The following COL22A1 variants were observed in gnomAD, a reference collection of about 807,000 sequenced individuals.
COL22A1 encodes the protein collagen type XXII alpha 1 chain.
A neutral mutation model predicts 248.9 loss-of-function variants in COL22A1; 221 were observed. The ratio of observed to expected loss-of-function variants is 0.89; its 90% CI spans 0.80 to 0.99. The LOEUF (loss-of-function observed/expected upper bound fraction) is 0.99, where lower values mean the gene tolerates loss of function less well. Ranked by LOEUF, COL22A1 falls within the 50% of genes least tolerant of loss-of-function variation. COL22A1 has a pLI of 0.00. For synonymous variants in COL22A1, 891 were observed against 793.4 expected (o/e 1.12, Z -2.07); for missense variants, 2,240 against 2,179.0 (o/e 1.03, Z -0.56).
chr8:138,685,309 C>T lies in COL22A1; in HGVS notation c.2866G>A (p.Ala956Thr), dbSNP rs765573052. ...CCTGGGCTGCCTTCTTCCCCCGCTG[C>T]ACCCTGGAAAGAAAAGTAGACATTT... ...GKDGERGEKG[A>T]AGEEGSPGPV... Residue 956 changes from alanine (A) to threonine (T), a missense_variant, in exon 38 of 65, where the codon GCA becomes ACA. By Grantham distance (58) the Ala-to-Thr change is moderately conservative. Coordinates refer to ENST00000303045, the MANE Select transcript of COL22A1 (RefSeq NM_152888.3). 6.2e-6 allele frequency: 10 copies of T among 1,613,198 alleles called. No homozygotes were observed. The highest frequency in any genetic ancestry group is 2.7e-5 in the African/African-American group (2 of 74,888).
chr8:138,743,165 A>G (rs1444758811), intron 22 of COL22A1, among the ~76,000 whole-genome samples: 2 of 144,106 alleles, frequency 1.4e-5, no homozygotes, highest in Admixed American at 1.4e-4. Context: ...GGTGGTAGTG[A>G]TCACGATGGT....
intron 3 of COL22A1, among the ~76,000 whole-genome samples, chr8:138,846,562 G>A (rs900990307): frequency 1.3e-5 from 2 of 152,192 alleles, no homozygotes; most frequent in East Asian, 3.9e-4. Flanking sequence ...TTATAGTTGA[G>A]TTGGTTAAGT....
At chr8:138,714,109 G>T (rs965866185) in intron 30 of COL22A1, among the ~76,000 whole-genome samples, 7 of 152,182 alleles carry the variant, frequency 4.6e-5, no homozygotes, top group Non-Finnish European at 1.5e-5. Context: ...CTTCCTCCTT[G>T]AACCTGCCCG....
intron 3 of COL22A1, among the ~76,000 whole-genome samples, chr8:138,877,036 A>G (rs116475461): frequency 0.03 from 4,516 of 152,314 alleles, 239 homozygotes; most frequent in African/African-American, 0.1. Context: ...CGCTGTCCTC[A>G]GAATGACCCC....
At chr8:138,729,023 G>A (rs573470038) in intron 23 of COL22A1, among the ~76,000 whole-genome samples, 10 of 152,220 alleles carry the variant, frequency 6.6e-5, no homozygotes, top group African/African-American at 2.2e-4. Context: ...AAACCAGAAA[G>A]GCAGGACAAG....
intron 34 of COL22A1, 56 bp downstream of exon 34, chr8:138,694,452 G>A: frequency 6.5e-7 from 1 of 1,542,550 alleles, no homozygotes; most frequent in Non-Finnish European, 9.0e-7. Context: ...GAGCGAGAGA[G>A]TGTGGCTGGG....
chr8:138,742,436 G>A (rs1289745043), intron 22 of COL22A1, among the ~76,000 whole-genome samples: 1 of 151,892 alleles, frequency 6.6e-6, no homozygotes, highest in Non-Finnish European at 1.5e-5. Context: ...GATGGTGATG[G>A]TAGAGTTGAT....
intron 30 of COL22A1, among the ~76,000 whole-genome samples, chr8:138,704,051 C>A (rs538195056): frequency 1.3e-5 from 2 of 152,358 alleles, no homozygotes; most frequent in East Asian, 3.9e-4. Context: ...TGAGATCAAA[C>A]TGCAAGGTGG....
intron 59 of COL22A1, among the ~76,000 whole-genome samples, chr8:138,602,547 T>A (rs1461931684): frequency 6.6e-6 from 1 of 152,200 alleles, no homozygotes; most frequent in Non-Finnish European, 1.5e-5. Flanking sequence ...TGCGGTCTCA[T>A]GGCCTCTGTT....
chr8:138,912,945 CA>C (rs1414879089), intron 1 of COL22A1, among the ~76,000 whole-genome samples: 5 of 152,094 alleles, frequency 3.3e-5, no homozygotes, highest in African/African-American at 1.2e-4. Flanking sequence ...ACTCATTTTC[CA>C]ATAACACAGC....
intron 10 of COL22A1, among the ~76,000 whole-genome samples, chr8:138,806,026 G>GTGTAA (rs1817604982): frequency 2.2e-5 from 3 of 134,226 alleles, no homozygotes; most frequent in African/African-American, 5.7e-5. Flanking sequence ...GTAATGGTGT[G>GTGTAA]TGGTTGTGTG....
At chr8:138,608,167 C>T (rs534869142) in intron 56 of COL22A1, among the ~76,000 whole-genome samples, 178 bp from the exon 57 acceptor site, 1 of 152,336 alleles carries the variant, frequency 6.6e-6, no homozygotes, top group East Asian at 1.9e-4. Context: ...CTAAAAGGAA[C>T]TTGTAATATT....
rs2131631558 is a variant in COL22A1 at position 138,803,015 on chromosome 8, C to A, written c.1495-81G>T. 3.6e-6 allele frequency: 4 copies of A among 1,107,620 alleles called. No individual in the cohort carries two copies. In the East Asian group the frequency reaches 7.1e-5, roughly 20 times the overall value. 68.6% of individuals were successfully genotyped at this position (1,107,620 alleles called of 1,614,324 possible). A position where few individuals can be genotyped will look rare whatever the true frequency, so the allele number is the denominator to read the frequency against. On this transcript the variant is annotated intron_variant, in intron 10 of 64. Transcript: ENST00000303045. ...GCACACACAGGACCCTCACGGCCAA[C>A]CTTGCTCCAATTCCCTAGAAGCAGC... is the stretch of plus-strand genomic sequence containing the variant.
At chr8:138,644,735 G>A (rs533969083) in intron 47 of COL22A1, among the ~76,000 whole-genome samples, 1 of 148,382 alleles carries the variant, frequency 6.7e-6, no homozygotes, top group East Asian at 1.9e-4. Context: ...CCATGCACAT[G>A]TTTCTCCTTC....
At chr8:138,775,254 T>G (rs1324145553) in intron 16 of COL22A1, among the ~76,000 whole-genome samples, 1 of 152,168 alleles carries the variant, frequency 6.6e-6, no homozygotes, top group Non-Finnish European at 1.5e-5. Flanking sequence ...CAGCAGCAGC[T>G]ATGGTTTGGG....
intron 22 of COL22A1, among the ~76,000 whole-genome samples, chr8:138,740,873 T>C (rs572892261): frequency 3.2e-4 from 49 of 152,256 alleles, no homozygotes; most frequent in Admixed American, 3.1e-3. Context: ...TCATGGGCCA[T>C]TCCAGTGCCT....
intron 10 of COL22A1, among the ~76,000 whole-genome samples, chr8:138,804,657 A>T (rs1208660701): frequency 6.6e-6 from 1 of 152,164 alleles, no homozygotes. Context: ...ATCAGCACAA[A>T]GAGAAGACTC....
At position 138,821,211 on chromosome 8, in the gene COL22A1, G is replaced by A. The variant is rs200314173; in HGVS notation, c.1170C>T (p.Ile390=). 24 of 1,614,198 alleles carry A rather than the reference G, an allele frequency of 1.5e-5. No individual in the cohort carries two copies. The Admixed American group carries it at 2.0e-4, about 13-fold the overall frequency. Residue 390 remains isoleucine (I), a synonymous_variant, in exon 7 of 65, where the codon ATC becomes ATT. Coordinates refer to ENST00000303045, the MANE Select transcript of COL22A1 (RefSeq NM_152888.3). ...GGATGTCAATGTTCTCCCGTTCCTC[G>A]ATGGGTAGTGTCTGCACCAGCGCAC... ...IDCALVQTLP[I]EERENIDIQG...
intron 30 of COL22A1, among the ~76,000 whole-genome samples, chr8:138,707,243 T>C (rs1358935976): frequency 6.6e-6 from 1 of 152,180 alleles, no homozygotes; most frequent in African/African-American, 2.4e-5. Flanking sequence ...TCTGAAACTA[T>C]TCCAATCAAT....
Sources: gnomAD v4.1 joint callset for allele counts (sites outside exome capture counted in the v4.1 genomes callset) on GRCh38, gnomAD v4.1.1 for gene constraint, MANE v1.5 for transcripts, NCBI Gene and HGNC (gene_info 2026-07-23, HGNC 2026-07-21) for gene names.